The following PBX1 variants were observed in gnomAD, a reference collection of about 807,000 sequenced individuals.
The protein encoded by PBX1 is PBX homeobox 1, also known as pre-B-cell leukemia transcription factor 1.
In PBX1, 6 loss-of-function variants were observed where a neutral mutation model predicts 53.4. The observed-to-expected ratio is 0.11, with a 90% CI of 0.06 to 0.22. The LOEUF (loss-of-function observed/expected upper bound fraction) is 0.22. Ranked by LOEUF, PBX1 falls within the 10% of genes least tolerant of loss-of-function variation. The pLI, the probability that PBX1 is intolerant of heterozygous loss-of-function variation, is 1.00. For synonymous variants in PBX1, 204 were observed against 212.3 expected (o/e 0.96, Z 0.34); for missense variants, 251 against 551.4 (o/e 0.46, Z 5.46).
chr1:164,603,962 T>TTTTA (rs1557885908), intron 2 of PBX1, among the ~76,000 whole-genome samples: 1 of 127,110 alleles, frequency 7.9e-6, no homozygotes, highest in Non-Finnish European at 1.7e-5. Flanking sequence ...TTTTTTTTTT[T>TTTTA]AGAGATGAGT....
At chr1:164,870,253 CCTTCCT>C (rs1672324828) in intron 2 of PBX1, among the ~76,000 whole-genome samples, 1 of 67,898 alleles carries the variant, frequency 1.5e-5, no homozygotes, top group African/African-American at 6.3e-5. Flanking sequence ...TTCCTTCCTT[CCTTCCT>C]TCCTTCCTTC....
chr1:164,763,683 A>G (rs1273956232), intron 2 of PBX1, among the ~76,000 whole-genome samples: 2 of 152,226 alleles, frequency 1.3e-5, no homozygotes, highest in Non-Finnish European at 2.9e-5. Flanking sequence ...GGCTGAGGGC[A>G]AAGGCAAATC....
At chr1:164,646,118 G>A (rs1659439479) in intron 2 of PBX1, among the ~76,000 whole-genome samples, 1 of 152,124 alleles carries the variant, frequency 6.6e-6, no homozygotes, top group African/African-American at 2.4e-5. Flanking sequence ...TTCTCTCTGT[G>A]CCTCCTTTTC....
chr1:164,560,608 C>G (rs1652972377), intron 1 of PBX1, among the ~76,000 whole-genome samples: 1 of 152,102 alleles, frequency 6.6e-6, no homozygotes, highest in Non-Finnish European at 1.5e-5. Flanking sequence ...TTTGTCAGTA[C>G]TTGTCAGCTA....
At chr1:164,561,606 G>A (rs1333270315) in intron 1 of PBX1, among the ~76,000 whole-genome samples, 1 of 152,072 alleles carries the variant, frequency 6.6e-6, no homozygotes, top group Non-Finnish European at 1.5e-5. Flanking sequence ...CAATAAACTG[G>A]CTTAAAAATA....
chr1:164,628,866 C>A (rs1334402150), intron 2 of PBX1, among the ~76,000 whole-genome samples: 1 of 152,132 alleles, frequency 6.6e-6, no homozygotes, highest in Admixed American at 6.5e-5. Context: ...TTACAGCACC[C>A]CTTACACCGT....
intron 2 of PBX1, among the ~76,000 whole-genome samples, chr1:164,737,707 G>A (rs188690015): frequency 2.7e-3 from 415 of 152,178 alleles, no homozygotes; most frequent in African/African-American, 9.5e-3. Context: ...TCGAACTCCC[G>A]GCCTCAGGTG....
chr1:164,877,506 T>C (rs1210900631), intron 2 of PBX1, among the ~76,000 whole-genome samples: 2 of 151,886 alleles, frequency 1.3e-5, no homozygotes, highest in Non-Finnish European at 2.9e-5. Context: ...CTCCTAAAAA[T>C]ATAAAAATTA....
At chr1:164,821,828 C>G (rs1670171686) in intron 8 of PBX1, among the ~76,000 whole-genome samples, 1 of 152,130 alleles carries the variant, frequency 6.6e-6, no homozygotes, top group African/African-American at 2.4e-5. Flanking sequence ...TTCATGCAGG[C>G]AGCTGGCGTC....
At chr1:164,840,999 C>T (rs1030709855) in intron 8 of PBX1, among the ~76,000 whole-genome samples, 9 of 152,074 alleles carry the variant, frequency 5.9e-5, no homozygotes, top group Non-Finnish European at 1.0e-4. Flanking sequence ...TTATCAAAAT[C>T]GGCGATGTGT....
chr1:164,605,537 G>A (rs1656492176), intron 2 of PBX1: 1 of 152,136 alleles, frequency 6.6e-6, no homozygotes, highest in Non-Finnish European at 1.5e-5. Flanking sequence ...GATTGGCTGT[G>A]CTGATGGCTT....
chr1:164,641,173 A>G (rs961538450), intron 2 of PBX1: 3 of 153,236 alleles, frequency 2.0e-5, no homozygotes, highest in Admixed American at 6.5e-5. Flanking sequence ...GTCACATTCC[A>G]TGGCCATGTG....
At chr1:164,830,947 C>G (rs573058506) in intron 8 of PBX1, among the ~76,000 whole-genome samples, 1 of 152,280 alleles carries the variant, frequency 6.6e-6, no homozygotes, top group South Asian at 2.1e-4. Context: ...AAGCTCTGCT[C>G]TAGTGTGTAA....
intron 2 of PBX1, among the ~76,000 whole-genome samples, chr1:164,591,557 A>G (rs559667007): frequency 1.3e-5 from 2 of 152,346 alleles, no homozygotes; most frequent in Non-Finnish European, 2.9e-5. Context: ...CAGCATTTGC[A>G]TACAATAAAT....
chr1:164,846,539 C>T, intron 8 of PBX1, 45 bp from the exon 9 acceptor site: 1 of 1,555,416 alleles, frequency 6.4e-7, no homozygotes, highest in Non-Finnish European at 8.9e-7. Context: ...TGAAAACAGC[C>T]ACCCAATCTC....
At chr1:164,663,366 A>G (rs1410300646) in intron 2 of PBX1, among the ~76,000 whole-genome samples, 3 of 147,840 alleles carry the variant, frequency 2.0e-5, no homozygotes, top group Non-Finnish European at 3.0e-5. Context: ...TCCATCCTTT[A>G]TTTAGAGATT....
At chr1:164,830,157 T>C (rs1670681301) in intron 8 of PBX1, among the ~76,000 whole-genome samples, 1 of 152,116 alleles carries the variant, frequency 6.6e-6, no homozygotes, top group Non-Finnish European at 1.5e-5. Context: ...GCAAGAGTAA[T>C]ATAAAACTAG....
intron 2 of PBX1, among the ~76,000 whole-genome samples, chr1:164,721,442 T>C (rs1394014068): frequency 6.6e-6 from 1 of 152,056 alleles, no homozygotes; most frequent in Non-Finnish European, 1.5e-5. Context: ...TGTGTGTGTG[T>C]GTGTGTGTAT....
At position 164,623,766 on chromosome 1, in the gene PBX1, A is replaced by G. The variant is rs188869714; in HGVS notation, c.265+60455A>G. On this transcript the variant is annotated intron_variant, in intron 2 of 8. Coordinates refer to ENST00000420696, the MANE Select transcript of PBX1 (RefSeq NM_002585.4). ...TGTGCCTTTCATTACCACGTTAACA[A>G]ACTCGAGTCGTGCCTAACGACGTCG... Among the ~76,000 whole-genome samples, 98 of 152,292 alleles carry G rather than the reference A, an allele frequency of 6.4e-4. No homozygotes were observed. The East Asian group carries it at 0.018, about 27-fold the overall frequency.
Sources: allele counts gnomAD v4.1 joint callset (sites outside exome capture counted in the v4.1 genomes callset), GRCh38; gene constraint gnomAD v4.1.1; transcripts MANE v1.5; gene names NCBI Gene and HGNC (gene_info 2026-07-23, HGNC 2026-07-21).